Variants in ZNF808 observed in about 807,000 individuals in gnomAD.
The protein encoded by ZNF808 is zinc finger protein 808.
A neutral mutation model predicts 8.7 loss-of-function variants in ZNF808; 5 were observed. The ratio of observed to expected loss-of-function variants is 0.58; its 90% confidence interval spans 0.30 to 1.21. The LOEUF (loss-of-function observed/expected upper bound fraction) is 1.21. Ranked by LOEUF, ZNF808 falls within the 50% of genes most tolerant of loss-of-function variation. The pLI is 0.07. For missense variants in ZNF808, 1,103 were observed against 1,098.4 expected, an observed-to-expected ratio of 1.00 and a Z score of -0.06; for synonymous variants, 380 against 366.0, an observed-to-expected ratio of 1.04 and a Z score of -0.44.
intron 4 of ZNF808, among the ~76,000 whole-genome samples, chr19:52,547,844 A>T (rs2059738721): frequency 6.8e-6 from 1 of 147,936 alleles, no homozygotes; most frequent in African/African-American, 2.5e-5. Context: ...GGTTCAAGTG[A>T]TTCTCCTGCC....
At chr19:52,550,088 A>G (rs1341203841) in intron 4 of ZNF808, among the ~76,000 whole-genome samples, 1 of 152,212 alleles carries the variant, frequency 6.6e-6, no homozygotes, top group Non-Finnish European at 1.5e-5. Context: ...ATTGTGCCTA[A>G]GAACATGTCG....
rs2059793533 is a variant in ZNF808 at position 52,553,092 on chromosome 19, G to A, written c.191-15G>A. On this transcript the variant is annotated splice_polypyrimidine_tract_variant and intron_variant, in intron 4 of 4. Coordinates refer to ENST00000359798, the MANE Select transcript of ZNF808 (RefSeq NM_001039886.4). Reference sequence around the variant, plus strand: ...TGTACTTAATTGGAAATGTATTGGTGTTTATATTTTGTAGATATCTCTTCC... The same window carrying A: ...TGTACTTAATTGGAAATGTATTGGTATTTATATTTTGTAGATATCTCTTCC... 6.5e-7 allele frequency: 1 copy of A among 1,531,014 alleles called. No homozygotes were observed. Among genetic ancestry groups the A allele is most frequent in the Non-Finnish European group, 8.7e-7 (1 of 1,144,218 alleles). 94.8% of individuals were successfully genotyped at this position (1,531,014 alleles called of 1,614,324 possible).
At chr19:52,541,632 A>AG (rs1358072823) in intron 2 of ZNF808, among the ~76,000 whole-genome samples, 2 of 151,820 alleles carry the variant, frequency 1.3e-5, no homozygotes, top group Non-Finnish European at 2.9e-5. Context: ...CTTCTGGGAG[A>AG]GGTAGTGCTC....
downstream of ZNF808, among the ~76,000 whole-genome samples, chr19:52,561,192 C>T (rs867217990): frequency 3.0e-5 from 2 of 67,372 alleles, no homozygotes; most frequent in Non-Finnish European, 6.0e-5. Context: ...CTCTCTCTCT[C>T]TCTCTCTCTC....
downstream of ZNF808, among the ~76,000 whole-genome samples, chr19:52,560,430 A>C (rs35068231): frequency 0.094 from 14,321 of 152,102 alleles, 782 homozygotes; most frequent in Middle Eastern, 0.16. Context: ...ACATCTCTTC[A>C]TACTCAGCCA....
Position 52,555,584 on chromosome 19 carries a change from C to G in ZNF808, c.2668C>G (p.Leu890Val). The G allele has an allele frequency of 6.2e-7, 1 of 1,611,268 alleles. No individual in the cohort carries two copies. The highest frequency in any genetic ancestry group is 8.5e-7 in the Non-Finnish European group (1 of 1,178,702). Reference protein sequence around the residue: ...CGKAFSDRSTLIHHQAIHGIG... With the variant: ...CGKAFSDRSTVIHHQAIHGIG... ...CAAAGCCTTTAGTGACCGGTCAACA[C>G]TTATTCACCATCAGGCAATTCATGG... is the stretch of plus-strand genomic sequence containing the variant. The change falls in exon 5 of 5, where the codon CTT (leucine) becomes GTT (valine). Residue 890 changes from leucine (L) to valine (V), a missense_variant. Physicochemically the swap from Leu to Val is conservative, Grantham distance 32. Transcript: ENST00000359798.
At chr19:52,530,960 G>A (rs2059556478) in intron 1 of ZNF808, among the ~76,000 whole-genome samples, 1 of 151,688 alleles carries the variant, frequency 6.6e-6, no homozygotes, top group South Asian at 2.1e-4. Flanking sequence ...CTGGGTGACA[G>A]AGTGAGACTC....
At chr19:52,564,350 T>C (rs2059867344) in exon 4 of ZNF808, 1 of 540,826 alleles carries the variant, frequency 1.8e-6, no homozygotes, top group South Asian at 2.2e-5. Flanking sequence ...GGAATATATT[T>C]TTTTCTCTCT....
At chr19:52,547,426 A>G (rs1428899120) in intron 3 of ZNF808, 86 bp from the exon 4 acceptor site, 1 of 1,599,098 alleles carries the variant, frequency 6.3e-7, no homozygotes, top group African/African-American at 1.4e-5. Context: ...GATCAAATAA[A>G]TACTTATTTT....
In ZNF808 at chr19:52,554,331, G is replaced by A. The variant is rs1321804800; in HGVS notation, c.1415G>A (p.Arg472Gln). 18 of 1,614,012 alleles carry A rather than the reference G, an allele frequency of 1.1e-5. No homozygotes were observed. In the East Asian group the frequency reaches 2.5e-4, roughly 22 times the overall value. Residue 472 changes from arginine to glutamine, a missense_variant, in exon 5 of 5, where the codon CGA (arginine) becomes CAA (glutamine). Transcript: ENST00000359798. ...TTCACGTGTAATTCACAGCTGGCAC[G>A]ACATAGAAGAATTCACACTGGAGAG... is the stretch of plus-strand genomic sequence containing the variant. ...TAFTCNSQLA[R>Q]HRRIHTGEKT...
At chr19:52,534,543 G>C (rs1381538159) in intron 2 of ZNF808, among the ~76,000 whole-genome samples, 1 of 151,996 alleles carries the variant, frequency 6.6e-6, no homozygotes, top group Admixed American at 6.6e-5. Flanking sequence ...TCATTTGGGG[G>C]AAGACTCTTT....
At chr19:52,547,454 G>A in intron 3 of ZNF808, 58 bp from the exon 4 acceptor site, 1 of 1,609,452 alleles carries the variant, frequency 6.2e-7, no homozygotes, top group Non-Finnish European at 8.5e-7. Context: ...CTCATTTCCT[G>A]TGAAGGTGAT....
At chr19:52,538,837 ATGT>A (rs1164201866) in intron 2 of ZNF808, among the ~76,000 whole-genome samples, 1 of 152,162 alleles carries the variant, frequency 6.6e-6, no homozygotes, top group Non-Finnish European at 1.5e-5. Context: ...AAGTGATGAC[ATGT>A]TGTTTTCTCT....
downstream of ZNF808, among the ~76,000 whole-genome samples, chr19:52,565,543 A>G (rs2059871078): frequency 6.6e-6 from 1 of 152,194 alleles, no homozygotes; most frequent in South Asian, 2.1e-4. Context: ...CTGAGAGCTT[A>G]TCTTCACAGG....
At chr19:52,528,970 G>C (rs1002417350) in intron 1 of ZNF808, among the ~76,000 whole-genome samples, 1 of 151,620 alleles carries the variant, frequency 6.6e-6, no homozygotes, top group African/African-American at 2.4e-5. Flanking sequence ...GAAGAGAAGA[G>C]GGGTACAAAA....
rs759349582 is a variant in ZNF808 at position 52,555,639 on chromosome 19, G to C, written c.*11G>C. On this transcript the variant is annotated 3_prime_UTR_variant, in exon 5 of 5. Transcript: ENST00000359798. Reference sequence around the variant, plus strand: ...GGGAAATTTGATTAATATAATGATTGTCACAAAGTCTTCAGTAACACTACA... The same window carrying C: ...GGGAAATTTGATTAATATAATGATTCTCACAAAGTCTTCAGTAACACTACA... 2 of 1,587,384 alleles carry C rather than the reference G, an allele frequency of 1.3e-6. No individual in the cohort carries two copies. Among genetic ancestry groups the C allele is most frequent in the Admixed American group, 1.8e-5 (1 of 56,848 alleles).
rs984048397 is a variant in ZNF808, at chr19:52,553,512, G to A, written c.596G>A (p.Arg199Lys). 5.0e-6 allele frequency: 8 copies of A among 1,613,972 alleles called. No homozygotes were observed. In the African/African-American group the frequency reaches 9.3e-5, roughly 19 times the overall value. Residue 199 changes from arginine (R) to lysine (K), a missense_variant, in exon 5 of 5, where the codon AGG becomes AAG. Coordinates refer to ENST00000359798, the MANE Select transcript of ZNF808 (RefSeq NM_001039886.4). Reference protein sequence around the residue: ...SVSTSQRISCRPQIHISNNYG... With the variant: ...SVSTSQRISCKPQIHISNNYG... ...TCAACATCCCAAAGAATTTCCTGTAGGCCCCAAATCCATATTTCTAATAAC... is the reference window on the plus strand; with the variant it reads ...TCAACATCCCAAAGAATTTCCTGTAAGCCCCAAATCCATATTTCTAATAAC...
chr19:52,552,121 C>A (rs1191099849), intron 4 of ZNF808, among the ~76,000 whole-genome samples: 1 of 151,768 alleles, frequency 6.6e-6, no homozygotes, highest in African/African-American at 2.4e-5. Flanking sequence ...GGGTTCATAC[C>A]ATTCTCCTGC....
chr19:52,537,323 G>C (rs561297099), intron 2 of ZNF808, among the ~76,000 whole-genome samples: 1 of 152,096 alleles, frequency 6.6e-6, no homozygotes, highest in African/African-American at 2.4e-5. Flanking sequence ...AAAAAGAAAA[G>C]AAAACAAGAG....
Sources: allele counts gnomAD v4.1 joint callset (sites outside exome capture counted in the v4.1 genomes callset), GRCh38; gene constraint gnomAD v4.1.1; transcripts MANE v1.5; gene names NCBI Gene and HGNC (gene_info 2026-07-23, HGNC 2026-07-21).